KCNIP4: variants seen among roughly 807,000 people sequenced by gnomAD.
KCNIP4 encodes the protein Kv channel-interacting protein 4.
A neutral mutation model predicts 34.0 loss-of-function variants in KCNIP4; 12 were observed. That is an observed-to-expected ratio of 0.35 (90% CI 0.23 to 0.57). KCNIP4 has a LOEUF of 0.57. Among genes scored for constraint, KCNIP4 ranks in the 20% least tolerant of loss-of-function variants. KCNIP4 has a pLI of 0.83. For synonymous variants in KCNIP4, 124 were observed against 102.2 expected, an observed-to-expected ratio of 1.21 and a Z score of -1.29; for missense variants, 238 against 311.7, an observed-to-expected ratio of 0.76 and a Z score of 1.78.
chr4:21,309,771 T>C (rs531986271), intron 1 of KCNIP4, among the ~76,000 whole-genome samples: 1 of 152,252 alleles, frequency 6.6e-6, no homozygotes, highest in African/African-American at 2.4e-5. Context: ...CAAGAGATAA[T>C]ATTTTAGATG....
intron 3 of KCNIP4, among the ~76,000 whole-genome samples, chr4:20,763,990 T>G (rs951233768): frequency 6.6e-6 from 1 of 152,070 alleles, no homozygotes; most frequent in Non-Finnish European, 1.5e-5. Flanking sequence ...GAGCATGAAT[T>G]TTTTCATTAG....
At chr4:21,247,910 C>T (rs866111067) in intron 1 of KCNIP4, among the ~76,000 whole-genome samples, 58 of 124,270 alleles carry the variant, frequency 4.7e-4, no homozygotes, top group African/African-American at 1.8e-3. Context: ...TATATATATA[C>T]ACACACACAC....
chr4:20,810,840 C>T (rs944057703), intron 3 of KCNIP4, among the ~76,000 whole-genome samples: 4 of 152,060 alleles, frequency 2.6e-5, no homozygotes, highest in Non-Finnish European at 4.4e-5. Flanking sequence ...AATCAAATTT[C>T]AACTGGAACT....
intron 1 of KCNIP4, among the ~76,000 whole-genome samples, chr4:20,993,050 A>AG (rs1553924798): frequency 6.6e-6 from 1 of 150,898 alleles, no homozygotes; most frequent in South Asian, 2.1e-4. Context: ...AAAAAAAAAA[A>AG]AGAGAGCACA....
intron 1 of KCNIP4, among the ~76,000 whole-genome samples, chr4:21,663,985 C>A (rs898577249): frequency 6.6e-6 from 1 of 152,070 alleles, no homozygotes; most frequent in Admixed American, 6.5e-5. Context: ...TGCTGTGTTG[C>A]CCAGGCTGGA....
At chr4:21,772,152 A>G (rs28808427) in intron 1 of KCNIP4, among the ~76,000 whole-genome samples, 22,603 of 152,146 alleles carry the variant, frequency 0.15, 5,652 homozygotes, top group African/African-American at 0.51. Context: ...AATTTTATCA[A>G]AGGCCTTTTC....
intron 1 of KCNIP4, among the ~76,000 whole-genome samples, chr4:21,483,421 G>T (rs1731617154): frequency 6.6e-6 from 1 of 152,042 alleles, no homozygotes; most frequent in South Asian, 2.1e-4. Context: ...TGAATCATGG[G>T]GGGAGTTTCC....
intron 1 of KCNIP4, among the ~76,000 whole-genome samples, chr4:20,954,839 G>T (rs1396400581): frequency 6.6e-6 from 1 of 152,132 alleles, no homozygotes; most frequent in Non-Finnish European, 1.5e-5. Flanking sequence ...CACATGCCAT[G>T]GTTTGGGTCG....
In KCNIP4 at chr4:21,576,643, G is replaced by A. The variant is rs549580275; in HGVS notation, c.61+371928C>T. Among the ~76,000 whole-genome samples the A allele has an allele frequency of 2.6e-5, 4 of 152,240 alleles. No homozygotes were observed. The East Asian group carries it at 5.8e-4, about 22-fold the overall frequency. On this transcript the variant is annotated intron_variant, in intron 1 of 8. Coordinates refer to ENST00000382152, the MANE Select transcript of KCNIP4 (RefSeq NM_025221.6). The stretch of plus-strand genomic sequence containing the variant: ...CCCCGATTACTCATTTATCCAAATT[G>A]CTAAATGTTTAGAAGACTTCAAAGT...
chr4:21,383,957 C>T (rs965601464), intron 1 of KCNIP4, among the ~76,000 whole-genome samples: 1 of 152,166 alleles, frequency 6.6e-6, no homozygotes, highest in African/African-American at 2.4e-5. Context: ...CTCATACCTA[C>T]TTTAATTCTA....
In KCNIP4 at chr4:20,968,243, G is replaced by A. The variant is rs1054912198; in HGVS notation, c.62-85534C>T. 2.6e-5 allele frequency among the ~76,000 whole-genome samples: 4 copies of A among 152,156 alleles called. No homozygotes were observed. In the East Asian group the frequency reaches 7.7e-4, roughly 29 times the overall value. On this transcript the variant is annotated intron_variant, in intron 1 of 8. Coordinates refer to ENST00000382152, the MANE Select transcript of KCNIP4 (RefSeq NM_025221.6). ...CACAATGAGATACCATCTCACACCA[G>A]TTAGAATGGTGATCATTAAAAAGTC...
chr4:21,002,870 A>G (rs1317249971), intron 1 of KCNIP4, among the ~76,000 whole-genome samples: 2 of 152,184 alleles, frequency 1.3e-5, no homozygotes, highest in Non-Finnish European at 2.9e-5. Flanking sequence ...TGTGTTTCTT[A>G]TCTTTAAATA....
intron 1 of KCNIP4, among the ~76,000 whole-genome samples, chr4:21,641,195 G>A (rs578201519): frequency 6.6e-6 from 1 of 152,328 alleles, no homozygotes; most frequent in South Asian, 2.1e-4. Flanking sequence ...ACATGAAGAT[G>A]TGTCCCAAAT....
At chr4:20,905,509 C>CTTTCTTTCTT (rs71655610) in intron 1 of KCNIP4, among the ~76,000 whole-genome samples, 3 of 72,804 alleles carry the variant, frequency 4.1e-5, no homozygotes, top group Non-Finnish European at 8.2e-5. Flanking sequence ...CGTTTTCTTT[C>CTTTCTTTCTT]TTTTTTTTTT....
At chr4:21,711,948 T>G (rs1450015233) in intron 1 of KCNIP4, among the ~76,000 whole-genome samples, 1 of 152,162 alleles carries the variant, frequency 6.6e-6, no homozygotes, top group Admixed American at 6.6e-5. Context: ...GTAACTGGCC[T>G]ATACTCATTG....
rs565470853 is a variant in KCNIP4 at position 20,943,675 on chromosome 4, T to A, written c.62-60966A>T. On this transcript the variant is annotated intron_variant, in intron 1 of 8. Transcript: ENST00000382152. The stretch of plus-strand genomic sequence containing the variant: ...TACAATTAATAAACTGCCAAGCTGG[T>A]TTTGAACCCCAGGTGTCTCTAATAG... Among the ~76,000 whole-genome samples, 42 of 152,228 alleles carry A rather than the reference T, an allele frequency of 2.8e-4. 1 individual carries two copies. The highest frequency in any genetic ancestry group is 3.4e-3 in the Middle Eastern group (1 of 294).
intron 2 of KCNIP4, among the ~76,000 whole-genome samples, chr4:20,861,470 G>C (rs1173576566): frequency 6.6e-6 from 1 of 152,062 alleles, no homozygotes; most frequent in Non-Finnish European, 1.5e-5. Flanking sequence ...AGACCAACCC[G>C]AGCAATTGGA....
intron 1 of KCNIP4, among the ~76,000 whole-genome samples, chr4:21,669,328 G>C (rs536601525): frequency 6.6e-6 from 1 of 152,244 alleles, no homozygotes; most frequent in Admixed American, 6.5e-5. Flanking sequence ...CAAATTCCTG[G>C]GCCCAAACAA....
At chr4:21,849,511 A>G (rs1283348608) in intron 1 of KCNIP4, 1 of 152,144 alleles carries the variant, frequency 6.6e-6, no homozygotes, top group Non-Finnish European at 1.5e-5. Context: ...AGCAGCAAAA[A>G]TCAGCTCTAA....
Sources: allele counts gnomAD v4.1 joint callset (sites outside exome capture counted in the v4.1 genomes callset), GRCh38; gene constraint gnomAD v4.1.1; transcripts MANE v1.5; gene names NCBI Gene and HGNC (gene_info 2026-07-23, HGNC 2026-07-21).